BTF3L4: variants seen among roughly 807,000 people sequenced by gnomAD.
BTF3L4 encodes the protein basic transcription factor 3 like 4.
Under a neutral mutation model 16.8 loss-of-function variants are expected in BTF3L4, and 6 were observed. That is an observed-to-expected ratio of 0.36 (90% CI 0.20 to 0.71). The LOEUF is 0.71. Among genes scored for constraint, BTF3L4 ranks in the 30% least tolerant of loss-of-function variants. The probability of loss-of-function intolerance (pLI) is 0.58; values close to 1 mark genes in which losing one functional copy is unlikely to be tolerated. For missense variants in BTF3L4, 92 were observed against 186.9 expected (o/e 0.49, Z 2.96); for synonymous variants, 39 against 59.8 (o/e 0.65, Z 1.60).
Position 52,087,611 on chromosome 1 carries a change from C to G in BTF3L4, c.*853C>G, listed in dbSNP as rs1011248754. On this transcript the variant is annotated 3_prime_UTR_variant, in exon 6 of 6. Transcript: ENST00000313334. ...GCTTGAGGAACAACTTCATCTTCAA[C>G]TTTTTATTTCTCCCTGATGTTACAG... The G allele has an allele frequency of 1.1e-4, 16 of 152,148 alleles. No individual in the cohort carries two copies. Among genetic ancestry groups the G allele is most frequent in the African/African-American group, 3.1e-4 (13 of 41,432 alleles). The allele number at this position is 152,148 out of a possible 1,614,324, so 9.4% of individuals were successfully genotyped here. A position where few individuals can be genotyped will look rare whatever the true frequency, so the allele number is the denominator to read the frequency against.
At chr1:52,078,857 A>AT (rs1686996620) in intron 3 of BTF3L4, among the ~76,000 whole-genome samples, 1 of 152,220 alleles carries the variant, frequency 6.6e-6, no homozygotes, top group African/African-American at 2.4e-5. Flanking sequence ...GGAAAAAAAA[A>AT]CAAATTTTGA....
At chr1:52,073,489 T>C (rs1478615688) in intron 3 of BTF3L4, among the ~76,000 whole-genome samples, 3 of 76,882 alleles carry the variant, frequency 3.9e-5, no homozygotes, top group African/African-American at 1.5e-4. Flanking sequence ...ATATATATGC[T>C]ACATACACAC....
chr1:52,061,297 T>C (rs1686501257), intron 2 of BTF3L4, among the ~76,000 whole-genome samples: 1 of 152,000 alleles, frequency 6.6e-6, no homozygotes, highest in Non-Finnish European at 1.5e-5. Flanking sequence ...AAGACCAGCC[T>C]AGCCAACATG....
At chr1:52,080,560 G>C (rs1250543587) in intron 3 of BTF3L4, among the ~76,000 whole-genome samples, 1 of 109,082 alleles carries the variant, frequency 9.2e-6, no homozygotes, top group Non-Finnish European at 1.7e-5. Context: ...TTGAGACGGA[G>C]TCTGACTCTG....
At chr1:52,076,363 C>CA (rs1686932998) in intron 3 of BTF3L4, among the ~76,000 whole-genome samples, 1 of 151,906 alleles carries the variant, frequency 6.6e-6, no homozygotes, top group East Asian at 1.9e-4. Flanking sequence ...ATCACGATGT[C>CA]AGGAGTTCGA....
In BTF3L4 at chr1:52,071,931, CTGTGTGTGTG is replaced by C. The variant is rs59491944; in HGVS notation, c.168+7027_168+7036del. ...TTGGCTTTTTGTTTTGTTTTTTACT[CTGTGTGTGTG>C]TGTGTGTGTGTGTGTGTGTGTGTGT... is the stretch of plus-strand genomic sequence containing the variant. On this transcript the variant is annotated intron_variant, in intron 3 of 5. Coordinates refer to ENST00000313334, the MANE Select transcript of BTF3L4 (RefSeq NM_152265.5). Among the ~76,000 whole-genome samples the C allele has an allele frequency of 3.2e-3, 410 of 127,964 alleles. 3 individuals are homozygous for C. Among genetic ancestry groups the C allele is most frequent in the African/African-American group, 6.8e-3 (230 of 33,600 alleles). The allele number at this position is 127,964 out of a possible 152,430, so 83.9% of individuals were successfully genotyped here. A position where few individuals can be genotyped will look rare whatever the true frequency, so the allele number is the denominator to read the frequency against.
At chr1:52,057,254 T>A (rs575620666) in intron 1 of BTF3L4, among the ~76,000 whole-genome samples, 2 of 152,352 alleles carry the variant, frequency 1.3e-5, no homozygotes, top group African/African-American at 2.4e-5. Flanking sequence ...ATTATTTTTA[T>A]CTCTGTGTAA....
intron 1 of BTF3L4, among the ~76,000 whole-genome samples, chr1:52,057,825 G>T (rs193019965): frequency 3.3e-5 from 5 of 152,230 alleles, no homozygotes; most frequent in Admixed American, 6.5e-5. Context: ...CAATTCTGTT[G>T]TCCTGACCAC....
chr1:52,073,219 G>C (rs1358491630), intron 3 of BTF3L4, among the ~76,000 whole-genome samples: 1 of 152,112 alleles, frequency 6.6e-6, no homozygotes, highest in African/African-American at 2.4e-5. Flanking sequence ...GGGAGGCAGA[G>C]GTTGCAGTGA....
intron 3 of BTF3L4, among the ~76,000 whole-genome samples, chr1:52,074,064 G>GA (rs1553239908): frequency 6.6e-6 from 1 of 152,058 alleles, no homozygotes; most frequent in Non-Finnish European, 1.5e-5. Context: ...TACTCAGAGG[G>GA]TGAGGCAGGA....
At chr1:52,067,894 C>A (rs1038670136) in intron 3 of BTF3L4, among the ~76,000 whole-genome samples, 1 of 152,144 alleles carries the variant, frequency 6.6e-6, no homozygotes, top group Non-Finnish European at 1.5e-5. Context: ...GGTAACAGAC[C>A]TATACTCCTA....
At chr1:52,072,672 T>C (rs548097205) in intron 3 of BTF3L4, among the ~76,000 whole-genome samples, 1 of 152,318 alleles carries the variant, frequency 6.6e-6, no homozygotes, top group South Asian at 2.1e-4. Flanking sequence ...CACGGATTTA[T>C]AGCTGAATAA....
chr1:52,063,853 T>C (rs1359718129), intron 2 of BTF3L4, among the ~76,000 whole-genome samples: 1 of 152,190 alleles, frequency 6.6e-6, no homozygotes, highest in Non-Finnish European at 1.5e-5. Context: ...CCTCACCATC[T>C]TCACTGCCAT....
At chr1:52,058,732 G>T (rs904232033) in intron 1 of BTF3L4, among the ~76,000 whole-genome samples, 5 of 152,106 alleles carry the variant, frequency 3.3e-5, no homozygotes, top group African/African-American at 1.2e-4. Flanking sequence ...CTTCTGAGTA[G>T]CTGGGATTAC....
chr1:52,065,859 G>A (rs1240393783), intron 3 of BTF3L4, among the ~76,000 whole-genome samples: 1 of 151,964 alleles, frequency 6.6e-6, no homozygotes, highest in Non-Finnish European at 1.5e-5. Flanking sequence ...CCAACATGGT[G>A]AAACCCTGTC....
chr1:52,062,763 G>GGCA (rs1686550384), intron 2 of BTF3L4, among the ~76,000 whole-genome samples: 1 of 152,226 alleles, frequency 6.6e-6, no homozygotes, highest in Non-Finnish European at 1.5e-5. Context: ...TAGAGTCTAA[G>GGCA]GCAGCAGTCC....
At chr1:52,072,708 T>A (rs901420556) in intron 3 of BTF3L4, among the ~76,000 whole-genome samples, 1 of 152,196 alleles carries the variant, frequency 6.6e-6, no homozygotes, top group African/African-American at 2.4e-5. Context: ...GTATACCACA[T>A]TTTATCCATC....
chr1:52,058,851 C>T (rs1383972312), intron 1 of BTF3L4, among the ~76,000 whole-genome samples: 4 of 152,168 alleles, frequency 2.6e-5, no homozygotes, highest in African/African-American at 7.2e-5. Flanking sequence ...CCATCCGCCT[C>T]GGCCTCCCAA....
At chr1:52,065,675 C>T (rs1686629822) in intron 3 of BTF3L4, among the ~76,000 whole-genome samples, 1 of 152,136 alleles carries the variant, frequency 6.6e-6, no homozygotes, top group Non-Finnish European at 1.5e-5. Context: ...ACTACCTCAG[C>T]CAAAAGGCTT....
Sources: gnomAD v4.1 joint callset for allele counts (sites outside exome capture counted in the v4.1 genomes callset) on GRCh38, gnomAD v4.1.1 for gene constraint, MANE v1.5 for transcripts, NCBI Gene and HGNC (gene_info 2026-07-23, HGNC 2026-07-21) for gene names.